The following RBM6 variants were observed in gnomAD, a reference collection of about 807,000 sequenced individuals.
RBM6 encodes RNA binding motif protein 6, also known as RNA-binding protein 6.
Under a neutral mutation model 140.4 loss-of-function variants are expected in RBM6, and 23 were observed. The observed-to-expected ratio is 0.16, with a 90% confidence interval of 0.12 to 0.23. The LOEUF is 0.23. RBM6 is among the 10% of genes least tolerant of loss of function. The probability of loss-of-function intolerance (pLI) is 1.00; values close to 1 mark genes in which losing one functional copy is unlikely to be tolerated. For missense variants in RBM6, 1,139 were observed against 1,386.7 expected, an observed-to-expected ratio of 0.82 and a Z score of 2.84; for synonymous variants, 439 against 475.6, an observed-to-expected ratio of 0.92 and a Z score of 1.00.
intron 6 of RBM6, among the ~76,000 whole-genome samples, chr3:50,030,801 A>T (rs924179663): frequency 3.3e-5 from 5 of 152,120 alleles, no homozygotes; most frequent in Non-Finnish European, 5.9e-5. Context: ...AGTGTCAGTT[A>T]TCAGTTTTAT....
chr3:49,952,660 A>G (rs2083793099), intron 1 of RBM6, among the ~76,000 whole-genome samples: 1 of 151,228 alleles, frequency 6.6e-6, no homozygotes, highest in South Asian at 2.1e-4. Flanking sequence ...TCACCACGCC[A>G]GCTAATTTTG....
chr3:50,061,632 T>G, intron 14 of RBM6, 85 bp downstream of exon 14: 1 of 1,526,364 alleles, frequency 6.6e-7, no homozygotes, highest in Non-Finnish European at 8.7e-7. Context: ...ATTTGCTACT[T>G]GAGGATTTTA....
chr3:49,951,152 TAGAAAC>T (rs1242039534), intron 1 of RBM6, among the ~76,000 whole-genome samples: 1 of 152,194 alleles, frequency 6.6e-6, no homozygotes, highest in Non-Finnish European at 1.5e-5. Flanking sequence ...GTGAAAATCA[TAGAAAC>T]AGAAAATAGT....
At chr3:50,043,066 A>G (rs879629394) in intron 6 of RBM6, among the ~76,000 whole-genome samples, 3 of 152,168 alleles carry the variant, frequency 2.0e-5, no homozygotes, top group Non-Finnish European at 4.4e-5. Context: ...AGTAATATCC[A>G]TGTGTGACTT....
At chr3:49,999,584 A>G (rs2086232548) in intron 6 of RBM6, 71 bp downstream of exon 6, 1 of 1,264,854 alleles carries the variant, frequency 7.9e-7, no homozygotes, top group Non-Finnish European at 1.2e-6. Context: ...GAGGGTTTCA[A>G]ATGATTTTAC....
chr3:49,953,064 CT>C (rs71080562), intron 1 of RBM6, among the ~76,000 whole-genome samples: 1 of 150,712 alleles, frequency 6.6e-6, no homozygotes, highest in African/African-American at 2.4e-5. Context: ...TTCTTCTTTT[CT>C]TTTTTTTTGA....
intron 7 of RBM6, 104 bp downstream of exon 7, chr3:50,048,423 CTCT>C: frequency 6.6e-7 from 1 of 1,505,446 alleles, no homozygotes; most frequent in Non-Finnish European, 8.9e-7. Context: ...AAGGACAAAG[CTCT>C]TCTTCCTCAG....
chr3:50,035,759 T>C (rs144022319), intron 6 of RBM6, among the ~76,000 whole-genome samples: 3 of 151,666 alleles, frequency 2.0e-5, no homozygotes, highest in African/African-American at 7.3e-5. Context: ...TGATTTTATT[T>C]AAAAAAATTT....
intron 6 of RBM6, among the ~76,000 whole-genome samples, chr3:50,007,846 AT>A (rs1244685061): frequency 6.6e-6 from 1 of 152,098 alleles, no homozygotes; most frequent in Non-Finnish European, 1.5e-5. Flanking sequence ...AGAATCTTAA[AT>A]TTTCTAAAGA....
chr3:50,064,308 A>AC (rs2090044695), intron 15 of RBM6, among the ~76,000 whole-genome samples: 1 of 151,878 alleles, frequency 6.6e-6, no homozygotes, highest in Admixed American at 6.6e-5. Flanking sequence ...GTGTTTAAAA[A>AC]CTTAGAGTCA....
At chr3:49,955,098 C>T (rs997513890) in intron 1 of RBM6, among the ~76,000 whole-genome samples, 1 of 150,714 alleles carries the variant, frequency 6.6e-6, no homozygotes, top group African/African-American at 2.4e-5. Flanking sequence ...ATAGCTTATC[C>T]TGTATCAATT....
intron 1 of RBM6, among the ~76,000 whole-genome samples, chr3:49,943,219 CTCTT>C (rs1457575168): frequency 6.6e-6 from 1 of 152,090 alleles, no homozygotes; most frequent in Non-Finnish European, 1.5e-5. Context: ...GTACAAATAT[CTCTT>C]TGAGTCCCTG....
intron 1 of RBM6, among the ~76,000 whole-genome samples, chr3:49,944,474 CTT>C (rs34463596): frequency 0.31 from 40,729 of 131,496 alleles, 4,229 homozygotes; most frequent in Non-Finnish European, 0.37. Context: ...GTACAAATAT[CTT>C]TTTTTTTTTT....
In RBM6 at chr3:50,040,007, C is replaced by T. The variant is rs183745075; in HGVS notation, c.1558-8238C>T. ...TGGAGCCAAGTTCATGGAATTACCT[C>T]CAAGACTACGGATCCCTGGTTTTCT... is the stretch of plus-strand genomic sequence containing the variant. On this transcript the variant is annotated intron_variant, in intron 6 of 20. Transcript: ENST00000266022. Among the ~76,000 whole-genome samples, 311 of 152,234 alleles carry T rather than the reference C, an allele frequency of 2.0e-3. 3 individuals carry two copies. Among genetic ancestry groups the T allele is most frequent in the South Asian group, 0.017 (80 of 4,832 alleles).
chr3:49,970,945 C>G (rs927765080), intron 3 of RBM6, among the ~76,000 whole-genome samples: 2 of 152,092 alleles, frequency 1.3e-5, no homozygotes, highest in African/African-American at 4.8e-5. Context: ...GCCTGGTCAA[C>G]ATGGTGAAAC....
At chr3:49,976,092 T>A (rs2085050779) in intron 5 of RBM6, among the ~76,000 whole-genome samples, 1 of 152,194 alleles carries the variant, frequency 6.6e-6, no homozygotes, top group South Asian at 2.1e-4. Flanking sequence ...TAAGTTTATT[T>A]ATTTAAAAAT....
chr3:49,968,849 C>T (rs919631211), intron 3 of RBM6, 101 bp downstream of exon 3: 3 of 1,341,760 alleles, frequency 2.2e-6, no homozygotes, highest in Non-Finnish European at 2.9e-6. Flanking sequence ...GGTGCGATCT[C>T]TGCTCATGCA....
At chr3:50,033,476 A>G (rs1403237092) in intron 6 of RBM6, among the ~76,000 whole-genome samples, 2 of 152,078 alleles carry the variant, frequency 1.3e-5, no homozygotes, top group African/African-American at 4.8e-5. Context: ...CTGTTTTTAT[A>G]TTCTTTAAAA....
chr3:50,011,839 CT>C (rs201167549), intron 6 of RBM6, among the ~76,000 whole-genome samples: 12,786 of 143,578 alleles, frequency 0.089, 493 homozygotes, highest in African/African-American at 0.11. Context: ...TCTTTTCTTT[CT>C]TTTTTTTTTT....
Sources: gnomAD v4.1 joint callset for allele counts (sites outside exome capture counted in the v4.1 genomes callset) on GRCh38, gnomAD v4.1.1 for gene constraint, MANE v1.5 for transcripts, NCBI Gene and HGNC (gene_info 2026-07-23, HGNC 2026-07-21) for gene names.